Variants in OLFM2 observed in about 807,000 individuals in gnomAD.
OLFM2 encodes olfactomedin 2.
In OLFM2, 20 loss-of-function variants were observed where a neutral mutation model predicts 43.9. The ratio of observed to expected loss-of-function variants is 0.46; its 90% CI spans 0.32 to 0.66. The LOEUF is 0.66. Ranked by LOEUF, OLFM2 falls within the 30% of genes least tolerant of loss-of-function variation. The pLI, the probability that OLFM2 is intolerant of heterozygous loss-of-function variation, is 0.04. For synonymous variants in OLFM2, 268 were observed against 278.6 expected (o/e 0.96, Z 0.38); for missense variants, 416 against 643.6 (o/e 0.65, Z 3.83).
chr19:9,864,764 C>T (rs1460873021), intron 1 of OLFM2, among the ~76,000 whole-genome samples: 1 of 144,246 alleles, frequency 6.9e-6, no homozygotes, highest in Admixed American at 7.1e-5. Flanking sequence ...GCTGGGCCTA[C>T]AGGCAGGTAC....
At chr19:9,904,057 G>C (rs1257676481) in intron 1 of OLFM2, among the ~76,000 whole-genome samples, 1 of 151,974 alleles carries the variant, frequency 6.6e-6, no homozygotes, top group African/African-American at 2.4e-5. Context: ...TGCATTACCT[G>C]GTTGGGCATT....
intron 5 of OLFM2, among the ~76,000 whole-genome samples, chr19:9,855,546 T>A (rs1175562281): frequency 2.0e-5 from 3 of 151,764 alleles, no homozygotes; most frequent in Non-Finnish European, 4.4e-5. Context: ...CCTTTTTTTT[T>A]CTTTTGAAAC....
At chr19:9,916,579 T>C (rs1482258106) in intron 1 of OLFM2, among the ~76,000 whole-genome samples, 1 of 152,106 alleles carries the variant, frequency 6.6e-6, no homozygotes, top group East Asian at 1.9e-4. Context: ...ACCAGGACTG[T>C]CTGATTTCAG....
intron 1 of OLFM2, among the ~76,000 whole-genome samples, chr19:9,910,629 TG>T (rs2046819797): frequency 6.6e-6 from 1 of 151,974 alleles, no homozygotes; most frequent in African/African-American, 2.4e-5. Context: ...AGATGGATGG[TG>T]GAAGGATGGA....
intron 1 of OLFM2, among the ~76,000 whole-genome samples, chr19:9,870,332 T>C (rs905882727): frequency 2.0e-5 from 3 of 152,160 alleles, no homozygotes; most frequent in Admixed American, 1.3e-4. Context: ...CAAAGTCTCA[T>C]GGAGTTGGGG....
intron 1 of OLFM2, among the ~76,000 whole-genome samples, chr19:9,894,896 A>T (rs761443627): frequency 8.5e-5 from 13 of 152,056 alleles, no homozygotes; most frequent in Non-Finnish European, 1.6e-4. Flanking sequence ...TATATTCATC[A>T]TCTGACTCCT....
At chr19:9,908,020 A>T (rs1253386941) in intron 1 of OLFM2, among the ~76,000 whole-genome samples, 1 of 152,098 alleles carries the variant, frequency 6.6e-6, no homozygotes, top group African/African-American at 2.4e-5. Flanking sequence ...AAAATAAAAT[A>T]AAATTTAAAA....
chr19:9,870,811 C>T lies in OLFM2; in HGVS notation c.64-10017G>A, dbSNP rs77783128. On this transcript the variant is annotated intron_variant, in intron 1 of 5. Transcript: ENST00000264833. ...GGTGGAGGTTGCTGTAAGCCAAGATCGCAGTGAGCTGAGATTGCACCATTG... is the reference window on the plus strand; with the variant it reads ...GGTGGAGGTTGCTGTAAGCCAAGATTGCAGTGAGCTGAGATTGCACCATTG... Among the ~76,000 whole-genome samples, 620 of 152,236 alleles carry T rather than the reference C, an allele frequency of 4.1e-3. 26 individuals are homozygous for T. The East Asian group carries it at 0.1, about 25-fold the overall frequency.
chr19:9,909,090 C>A (rs532429159), intron 1 of OLFM2, among the ~76,000 whole-genome samples: 1 of 152,090 alleles, frequency 6.6e-6, no homozygotes, highest in Non-Finnish European at 1.5e-5. Flanking sequence ...TCTTCCCACC[C>A]CTGCCTTCCA....
chr19:9,911,479 G>A (rs1003518111), intron 1 of OLFM2, among the ~76,000 whole-genome samples: 5 of 151,954 alleles, frequency 3.3e-5, no homozygotes, highest in Non-Finnish European at 7.4e-5. Flanking sequence ...AGGTCTGTTT[G>A]GGCACACACA....
chr19:9,904,757 T>C (rs2046770654), intron 1 of OLFM2, among the ~76,000 whole-genome samples: 1 of 152,012 alleles, frequency 6.6e-6, no homozygotes, highest in South Asian at 2.1e-4. Context: ...TGGTGGCTCA[T>C]GCCTGTAATC....
At chr19:9,869,969 A>G (rs578258421) in intron 1 of OLFM2, among the ~76,000 whole-genome samples, 1 of 150,594 alleles carries the variant, frequency 6.6e-6, no homozygotes, top group South Asian at 2.1e-4. Flanking sequence ...TGCTGCCCAG[A>G]CTGCTCTTGA....
chr19:9,927,076 G>C (rs1049122729), intron 1 of OLFM2, among the ~76,000 whole-genome samples: 5 of 152,122 alleles, frequency 3.3e-5, no homozygotes, highest in African/African-American at 1.2e-4. Context: ...GAGGTCAGGA[G>C]TTTGAGACCA....
chr19:9,896,170 G>A (rs1202930546), intron 1 of OLFM2, among the ~76,000 whole-genome samples: 1 of 123,368 alleles, frequency 8.1e-6, no homozygotes, highest in Non-Finnish European at 1.6e-5. Context: ...GCGCGATCTT[G>A]GCTCACTGCA....
intron 1 of OLFM2, among the ~76,000 whole-genome samples, chr19:9,879,162 C>A (rs2046517366): frequency 6.6e-6 from 1 of 152,092 alleles, no homozygotes; most frequent in Non-Finnish European, 1.5e-5. Context: ...TATTTTGAGA[C>A]AGTTTCACTC....
chr19:9,936,431 C>T lies in OLFM2; in HGVS notation c.-65G>A. ...TAGCGGCGCCTCGGCGCGGGGACCGCCACCAGGCGCGACCCCGCCCGCCCG... is the reference window on the plus strand; with the variant it reads ...TAGCGGCGCCTCGGCGCGGGGACCGTCACCAGGCGCGACCCCGCCCGCCCG... On this transcript the variant is annotated 5_prime_UTR_variant, in exon 1 of 6. Coordinates refer to ENST00000264833, the MANE Select transcript of OLFM2 (RefSeq NM_058164.4). 1 of 1,112,914 alleles carries T rather than the reference C, an allele frequency of 9.0e-7. No homozygotes were observed. The highest frequency in any genetic ancestry group is 1.7e-5 in the African/African-American group (1 of 59,714). The allele number at this position is 1,112,914 out of a possible 1,614,324, so 68.9% of individuals were successfully genotyped here. A position where few individuals can be genotyped will look rare whatever the true frequency, so the allele number is the denominator to read the frequency against.
At chr19:9,913,397 G>T in intron 1 of OLFM2, 2 of 792,442 alleles carry the variant, frequency 2.5e-6, no homozygotes, top group Non-Finnish European at 3.1e-6. Context: ...GGGACAGGTG[G>T]GGGCCCCGGG....
chr19:9,917,227 G>A (rs2086389932), intron 1 of OLFM2, among the ~76,000 whole-genome samples: 1 of 152,084 alleles, frequency 6.6e-6, no homozygotes, highest in Non-Finnish European at 1.5e-5. Context: ...AGGCTGGAGT[G>A]CAGTGGTTCA....
intron 1 of OLFM2, among the ~76,000 whole-genome samples, chr19:9,925,306 T>TGTG (rs1242043437): frequency 6.6e-6 from 1 of 152,128 alleles, no homozygotes; most frequent in Non-Finnish European, 1.5e-5. Flanking sequence ...ACAAAAACGT[T>TGTG]GTGGTCAGAG....
Sources: allele counts gnomAD v4.1 joint callset (sites outside exome capture counted in the v4.1 genomes callset), GRCh38; gene constraint gnomAD v4.1.1; transcripts MANE v1.5; gene names NCBI Gene and HGNC (gene_info 2026-07-23, HGNC 2026-07-21).